Variants in ARID2 observed in about 807,000 individuals in gnomAD.
The protein encoded by ARID2 is AT-rich interactive domain-containing protein 2.
ARID2 carries 32 observed loss-of-function variants against 184.6 expected under a neutral mutation model. The observed-to-expected ratio is 0.17, with a 90% CI of 0.13 to 0.23. The LOEUF is 0.23. Among genes scored for constraint, ARID2 ranks in the 10% least tolerant of loss-of-function variants. The pLI, the probability that ARID2 is intolerant of heterozygous loss-of-function variation, is 1.00. For missense variants in ARID2, 1,696 were observed against 2,197.6 expected (o/e 0.77, Z 4.56); for synonymous variants, 836 against 772.6 (o/e 1.08, Z -1.36).
intron 6 of ARID2, among the ~76,000 whole-genome samples, chr12:45,824,175 A>G (rs1942951725): frequency 6.6e-6 from 1 of 152,082 alleles, no homozygotes; most frequent in East Asian, 1.9e-4. Context: ...CAAAAATATG[A>G]TCATCTCAGT....
intron 13 of ARID2, 79 bp downstream of exon 13, chr12:45,849,049 A>G: frequency 2.1e-6 from 3 of 1,454,452 alleles, no homozygotes; most frequent in South Asian, 1.4e-5. Context: ...AATACCAAAT[A>G]TCTTATCTAG....
chr12:45,742,823 G>A (rs1230516779), intron 3 of ARID2, among the ~76,000 whole-genome samples: 1 of 152,146 alleles, frequency 6.6e-6, no homozygotes, highest in Non-Finnish European at 1.5e-5. Flanking sequence ...CTAAAGTGGG[G>A]ATTGAAGCAG....
Position 45,851,216 on chromosome 12 carries a change from G to A in ARID2, c.3093G>A (p.Gln1031=), listed in dbSNP as rs1943542874. The A allele has an allele frequency of 6.2e-7, 1 of 1,614,144 alleles. No homozygotes were observed. Among genetic ancestry groups the A allele is most frequent in the Non-Finnish European group, 8.5e-7 (1 of 1,180,022 alleles). Residue 1031 remains glutamine (Q), a synonymous_variant, in exon 15 of 21, where the codon CAG becomes CAA. Transcript: ENST00000334344. ...PPPQQVQVQV[Q]QPQQVQMQVQ... The stretch of plus-strand genomic sequence containing the variant: ...CACAGCAGGTACAAGTACAAGTTCA[G>A]CAGCCCCAACAAGTACAGATGCAAG...
At chr12:45,885,106 A>G (rs745560296) in intron 16 of ARID2, among the ~76,000 whole-genome samples, 2 of 151,474 alleles carry the variant, frequency 1.3e-5, no homozygotes, top group Non-Finnish European at 2.9e-5. Flanking sequence ...ACTAGATAAA[A>G]TAAAGTTGGG....
At chr12:45,761,259 A>G (rs1941673548) in intron 3 of ARID2, among the ~76,000 whole-genome samples, 1 of 152,126 alleles carries the variant, frequency 6.6e-6, no homozygotes, top group Non-Finnish European at 1.5e-5. Flanking sequence ...GTGATGTTTT[A>G]ATTATTTATT....
chr12:45,818,466 T>G (rs1007257370), intron 5 of ARID2, among the ~76,000 whole-genome samples: 1 of 152,142 alleles, frequency 6.6e-6, no homozygotes, highest in Non-Finnish European at 1.5e-5. Context: ...AGAAATAATA[T>G]TTTGAAATCT....
At chr12:45,736,198 A>G (rs1941116795) in intron 3 of ARID2, among the ~76,000 whole-genome samples, 1 of 152,140 alleles carries the variant, frequency 6.6e-6, no homozygotes, top group South Asian at 2.1e-4. Flanking sequence ...TCTACTAAAA[A>G]TACAAAAAAT....
intron 6 of ARID2, among the ~76,000 whole-genome samples, chr12:45,823,639 A>C (rs1942938715): frequency 6.6e-6 from 1 of 152,276 alleles, no homozygotes; most frequent in East Asian, 1.9e-4. Context: ...AATATAAAGG[A>C]TCATTAGAGA....
At chr12:45,796,412 A>AACT (rs1251979387) in intron 3 of ARID2, among the ~76,000 whole-genome samples, 1 of 152,174 alleles carries the variant, frequency 6.6e-6, no homozygotes, top group Non-Finnish European at 1.5e-5. Flanking sequence ...AAGCAGTGAC[A>AACT]GTTTGAGTTT....
intron 3 of ARID2, among the ~76,000 whole-genome samples, chr12:45,790,968 G>C (rs1942280990): frequency 6.6e-6 from 1 of 151,916 alleles, no homozygotes; most frequent in Admixed American, 6.6e-5. Context: ...TCTTCCTTTT[G>C]ACTATTGTGA....
intron 3 of ARID2, among the ~76,000 whole-genome samples, chr12:45,783,028 G>A (rs538535226): frequency 1.7e-4 from 26 of 152,062 alleles, no homozygotes; most frequent in Non-Finnish European, 3.5e-4. Context: ...GAACTACGGG[G>A]GAGGCTGAGG....
intron 3 of ARID2, among the ~76,000 whole-genome samples, chr12:45,797,310 C>G (rs960969240): frequency 1.3e-5 from 2 of 152,210 alleles, no homozygotes; most frequent in African/African-American, 4.8e-5. Flanking sequence ...TCTCGGCTCA[C>G]TGCAACCTCT....
intron 3 of ARID2, among the ~76,000 whole-genome samples, chr12:45,782,834 T>A (rs1942121769): frequency 6.6e-6 from 1 of 151,276 alleles, no homozygotes; most frequent in Non-Finnish European, 1.5e-5. Context: ...ATGGGCCGGG[T>A]GCGGTGGTTC....
chr12:45,810,498 T>C (rs905237830), intron 3 of ARID2, among the ~76,000 whole-genome samples: 1 of 152,110 alleles, frequency 6.6e-6, no homozygotes, highest in Non-Finnish European at 1.5e-5. Flanking sequence ...ATTAAGTTTA[T>C]TACCAAAAAA....
rs1944423322 is a variant in ARID2 at position 45,899,657 on chromosome 12, A to ATATATATATGGT, written c.5364-5268_5364-5267insGGTTATATATAT. Among the ~76,000 whole-genome samples, 2 of 97,490 alleles carry ATATATATATGGT rather than the reference A, an allele frequency of 2.1e-5. 1 individual carries two copies. Among genetic ancestry groups the ATATATATATGGT allele is most frequent in the Non-Finnish European group, 4.1e-5 (2 of 48,766 alleles). 64.0% of individuals were successfully genotyped at this position (97,490 alleles called of 152,430 possible). ...GTTATATATATATATATTTGGTTAT[A>ATATATATATGGT]TATATATATATGGTTATATATGGTT... On this transcript the variant is annotated intron_variant, in intron 20 of 20. Coordinates refer to ENST00000334344, the MANE Select transcript of ARID2 (RefSeq NM_152641.4).
At chr12:45,820,053 GT>G (rs926425713) in intron 5 of ARID2, among the ~76,000 whole-genome samples, 5 of 151,970 alleles carry the variant, frequency 3.3e-5, no homozygotes, top group African/African-American at 9.7e-5. Context: ...CCCTAGGGAA[GT>G]TTTTTATAAG....
At chr12:45,762,333 G>C (rs1172905205) in intron 3 of ARID2, among the ~76,000 whole-genome samples, 2 of 152,152 alleles carry the variant, frequency 1.3e-5, no homozygotes, top group Non-Finnish European at 2.9e-5. Context: ...GCTCTCTCCT[G>C]TTTCTTAGGG....
intron 6 of ARID2, among the ~76,000 whole-genome samples, chr12:45,829,471 G>T (rs1321502414): frequency 6.6e-6 from 1 of 151,454 alleles, no homozygotes; most frequent in African/African-American, 2.4e-5. Context: ...ATTCTTTCTT[G>T]TGTATTTCAT....
intron 3 of ARID2, among the ~76,000 whole-genome samples, chr12:45,739,458 T>TC (rs1372929029): frequency 2.0e-5 from 3 of 147,686 alleles, no homozygotes; most frequent in Admixed American, 6.7e-5. Flanking sequence ...TTTTTTTTTT[T>TC]TTTTGAGACA....
Sources: gnomAD v4.1 joint callset for allele counts (sites outside exome capture counted in the v4.1 genomes callset) on GRCh38, gnomAD v4.1.1 for gene constraint, MANE v1.5 for transcripts, NCBI Gene and HGNC (gene_info 2026-07-23, HGNC 2026-07-21) for gene names.